The following SAMD12 variants were observed in gnomAD, a reference collection of about 807,000 sequenced individuals.
The protein encoded by SAMD12 is sterile alpha motif domain-containing protein 12.
In SAMD12, 9 loss-of-function variants were observed where a neutral mutation model predicts 15.0. That is an observed-to-expected ratio of 0.60 (90% CI 0.36 to 1.05). The LOEUF (loss-of-function observed/expected upper bound fraction) is 1.05. Among genes scored for constraint, SAMD12 ranks in the 50% least tolerant of loss-of-function variants. The pLI is 0.01. For synonymous variants in SAMD12, 86 were observed against 90.1 expected, an observed-to-expected ratio of 0.96 and a Z score of 0.25; for missense variants, 230 against 234.2, an observed-to-expected ratio of 0.98 and a Z score of 0.12.
intron 4 of SAMD12, among the ~76,000 whole-genome samples, chr8:118,339,642 T>C (rs1423139688): frequency 2.0e-5 from 3 of 152,222 alleles, no homozygotes; most frequent in African/African-American, 7.2e-5. Flanking sequence ...GATGCGGCAG[T>C]GATTTTGTTC....
At chr8:118,264,248 T>C (rs1023247332) in intron 4 of SAMD12, among the ~76,000 whole-genome samples, 1 of 152,120 alleles carries the variant, frequency 6.6e-6, no homozygotes, top group Non-Finnish European at 1.5e-5. Context: ...TATATCCTCC[T>C]CCACCTCTCT....
intron 4 of SAMD12, among the ~76,000 whole-genome samples, chr8:118,243,924 C>T (rs1293422292): frequency 6.6e-6 from 1 of 152,086 alleles, no homozygotes; most frequent in Admixed American, 6.6e-5. Flanking sequence ...TTCATTGGCT[C>T]CCACAAGATG....
At chr8:118,166,344 A>G in the SAMD12 span, among the ~76,000 whole-genome samples, 2 of 152,194 alleles carry the variant, frequency 1.3e-5, no homozygotes, top group Non-Finnish European at 2.9e-5. Context: ...CCTATCTAGG[A>G]TTTTATACTT....
intron 2 of SAMD12, among the ~76,000 whole-genome samples, chr8:118,484,550 A>G (rs545917822): frequency 6.6e-6 from 1 of 152,344 alleles, no homozygotes; most frequent in Admixed American, 6.5e-5. Flanking sequence ...CTTATCTCCA[A>G]ACTCATCAAG....
chr8:118,165,614 G>GTATATATA, the SAMD12 span, among the ~76,000 whole-genome samples: 8 of 120,432 alleles, frequency 6.6e-5, no homozygotes, highest in East Asian at 7.4e-4. Flanking sequence ...ATATATATAT[G>GTATATATA]TATATATATA....
At chr8:118,563,259 T>C (rs983003895) in intron 2 of SAMD12, among the ~76,000 whole-genome samples, 11 of 152,224 alleles carry the variant, frequency 7.2e-5, no homozygotes, top group African/African-American at 2.2e-4. Context: ...ATATGTTACA[T>C]TGCTGTTATA....
chr8:118,593,783 T>G (rs1827646739), intron 1 of SAMD12, among the ~76,000 whole-genome samples: 1 of 152,206 alleles, frequency 6.6e-6, no homozygotes, highest in South Asian at 2.1e-4. Flanking sequence ...GAAAATTATT[T>G]TCTTTTCTAT....
At position 118,199,994 on chromosome 8, in the gene SAMD12, T is replaced by C. The variant is rs17507292; in HGVS notation, c.434-2262A>G. ...AACCCGGTGGGAGATAATTGAACCA[T>C]GGGGGCAGTTTCCCCCATATTGTTC... On this transcript the variant is annotated intron_variant, in intron 4 of 4. Transcript: ENST00000409003. Among the ~76,000 whole-genome samples, 584 of 152,222 alleles carry C rather than the reference T, an allele frequency of 3.8e-3. 5 individuals are homozygous for C. The highest frequency in any genetic ancestry group is 0.013 in the African/African-American group (560 of 41,530).
intron 4 of SAMD12, among the ~76,000 whole-genome samples, chr8:118,298,516 A>G (rs758917468): frequency 1.2e-4 from 19 of 152,226 alleles, no homozygotes; most frequent in African/African-American, 4.6e-4. Context: ...TGCCACCCAG[A>G]CATAACCATT....
intron 2 of SAMD12, among the ~76,000 whole-genome samples, chr8:118,456,586 TC>T (rs1330927442): frequency 2.6e-5 from 4 of 152,220 alleles, no homozygotes; most frequent in African/African-American, 9.6e-5. Context: ...ATGTATCTGT[TC>T]CTGTTCCAAT....
intron 4 of SAMD12, among the ~76,000 whole-genome samples, chr8:118,324,824 G>A (rs1471737850): frequency 6.6e-6 from 1 of 152,138 alleles, no homozygotes; most frequent in Non-Finnish European, 1.5e-5. Context: ...AGATGAGAAT[G>A]GTGCAGTAAG....
chr8:118,379,191 C>G lies in SAMD12; in HGVS notation c.*226G>C, dbSNP rs1819537740. ...TTGGCGCAGGTGAAGATAGCTACAG[C>G]TGGACTGTACAGTTGTGCAGGCTGC... On this transcript the variant is annotated 3_prime_UTR_variant, in exon 4 of 4. Transcript: ENST00000314727. The G allele has an allele frequency of 1.5e-6, 2 of 1,304,840 alleles. No homozygotes were observed. Among genetic ancestry groups the G allele is most frequent in the Non-Finnish European group, 1.9e-6 (2 of 1,025,984 alleles). 80.8% of individuals were successfully genotyped at this position (1,304,840 alleles called of 1,614,324 possible).
Position 118,379,155 on chromosome 8 carries a change from C to T in SAMD12, c.*262G>A, listed in dbSNP as rs577150107. On this transcript the variant is annotated 3_prime_UTR_variant, in exon 4 of 4. Transcript: ENST00000314727. ...CTATTGAATCACTCAAATGCTAAAG[C>T]GCCCTCACAATTGGCGCAGGTGAAG... The T allele has an allele frequency of 3.5e-5, 42 of 1,209,164 alleles. No homozygotes were observed. The African/African-American group carries it at 4.9e-4, about 14-fold the overall frequency. The allele number at this position is 1,209,164 out of a possible 1,614,324, so 74.9% of individuals were successfully genotyped here.
chr8:118,318,327 T>TATATATATATATATATACAC (rs1563758923), intron 4 of SAMD12, among the ~76,000 whole-genome samples: 3 of 35,056 alleles, frequency 8.6e-5, no homozygotes, highest in Non-Finnish European at 1.9e-4. Context: ...TATATATATA[T>TATATATATATATATATACAC]ATATATATAT....
At chr8:118,572,626 AG>A (rs1827045445) in intron 2 of SAMD12, among the ~76,000 whole-genome samples, 1 of 152,112 alleles carries the variant, frequency 6.6e-6, no homozygotes, top group African/African-American at 2.4e-5. Context: ...CCCCTGTACA[AG>A]CTCTCTTTGC....
chr8:118,184,761 T>G (rs1261246343), downstream of SAMD12, among the ~76,000 whole-genome samples: 1 of 152,172 alleles, frequency 6.6e-6, no homozygotes, highest in East Asian at 1.9e-4. Context: ...GCTCCCAAAG[T>G]GCTGGGATTA....
intron 1 of SAMD12, among the ~76,000 whole-genome samples, chr8:118,596,999 G>A (rs1018338733): frequency 1.3e-5 from 2 of 152,088 alleles, no homozygotes; most frequent in African/African-American, 4.8e-5. Flanking sequence ...AGGAATCCAC[G>A]GGGCAAAGAG....
At chr8:118,360,541 C>T (rs1020417289) in intron 4 of SAMD12, among the ~76,000 whole-genome samples, 12 of 150,916 alleles carry the variant, frequency 8.0e-5, no homozygotes, top group African/African-American at 2.2e-4. Context: ...AAAAAAACCA[C>T]GAAACAAACA....
intron 4 of SAMD12, among the ~76,000 whole-genome samples, chr8:118,344,096 T>C (rs1817508429): frequency 6.6e-6 from 1 of 152,200 alleles, no homozygotes; most frequent in Non-Finnish European, 1.5e-5. Context: ...CAAACTTCAA[T>C]CCAAACATGG....
Sources: gnomAD v4.1 joint callset for allele counts (sites outside exome capture counted in the v4.1 genomes callset) on GRCh38, gnomAD v4.1.1 for gene constraint, MANE v1.5 for transcripts, NCBI Gene and HGNC (gene_info 2026-07-23, HGNC 2026-07-21) for gene names.